Variants in SPIDR observed in about 807,000 individuals in gnomAD.
The protein encoded by SPIDR is DNA repair-scaffolding protein.
SPIDR carries 93 observed loss-of-function variants against 104.6 expected under a neutral mutation model. The observed-to-expected ratio is 0.89, with a 90% CI of 0.75 to 1.06. The LOEUF is 1.06. Ranked by LOEUF, SPIDR falls within the 50% of genes least tolerant of loss-of-function variation. The pLI is 0.00. For missense variants in SPIDR, 1,154 were observed against 1,111.2 expected (o/e 1.04, Z -0.55); for synonymous variants, 431 against 416.9 (o/e 1.03, Z -0.41).
At chr8:47,287,232 T>TAAAGATCACAAGGCAAAGGGCAAAGC (rs1586366493) in intron 3 of SPIDR, among the ~76,000 whole-genome samples, 28 of 150,218 alleles carry the variant, frequency 1.9e-4, no homozygotes, top group African/African-American at 5.5e-4. Flanking sequence ...CTGAGGCCAA[T>TAAAGATCACAAGGCAAAGGGCAAAGC]AAAGATCACA....
intron 10 of SPIDR, among the ~76,000 whole-genome samples, chr8:47,620,713 G>T (rs1253683947): frequency 6.6e-6 from 1 of 151,672 alleles, no homozygotes; most frequent in Non-Finnish European, 1.5e-5. Flanking sequence ...CACCTCCCGG[G>T]TTCAAACGAG....
intron 5 of SPIDR, among the ~76,000 whole-genome samples, chr8:47,298,956 T>G (rs1274638154): frequency 1.3e-5 from 2 of 152,208 alleles, no homozygotes; most frequent in Non-Finnish European, 2.9e-5. Flanking sequence ...TGGTTCCATA[T>G]GAACTTTAAA....
At chr8:47,309,702 A>G (rs111524434) in intron 5 of SPIDR, among the ~76,000 whole-genome samples, 3 of 152,328 alleles carry the variant, frequency 2.0e-5, no homozygotes, top group African/African-American at 7.2e-5. Flanking sequence ...ATAACAGAAA[A>G]TGATTGCTTT....
chr8:47,560,905 G>A (rs1011738481), intron 8 of SPIDR, among the ~76,000 whole-genome samples: 2 of 152,144 alleles, frequency 1.3e-5, no homozygotes, highest in Non-Finnish European at 2.9e-5. Context: ...CAATGAAACT[G>A]TTTCATTCTT....
At chr8:47,453,074 A>G (rs2072172921) in intron 8 of SPIDR, among the ~76,000 whole-genome samples, 1 of 152,184 alleles carries the variant, frequency 6.6e-6, no homozygotes, top group South Asian at 2.1e-4. Context: ...AATAACAGAC[A>G]AACAGAGAGC....
chr8:47,397,063 G>C (rs908356991), intron 6 of SPIDR, among the ~76,000 whole-genome samples: 1 of 152,184 alleles, frequency 6.6e-6, no homozygotes, highest in African/African-American at 2.4e-5. Flanking sequence ...TACAGTGTCA[G>C]TCAGGGGCTG....
At position 47,735,525 on chromosome 8, in the gene SPIDR, A is replaced by G. The variant is rs560639120; in HGVS notation, c.*75A>G. 76 of 1,607,100 alleles carry G rather than the reference A, an allele frequency of 4.7e-5. No homozygotes were observed. In the African/African-American group the frequency reaches 7.1e-4, roughly 15 times the overall value. On this transcript the variant is annotated 3_prime_UTR_variant, in exon 20 of 20. Coordinates refer to ENST00000297423, the MANE Select transcript of SPIDR (RefSeq NM_001080394.4). ...GTGGTGGTGGTGATTTGGGGTAGTT[A>G]TTTGTTAACTATGGACACAGTGAAC...
intron 8 of SPIDR, among the ~76,000 whole-genome samples, chr8:47,491,796 A>T (rs1554739931): frequency 6.6e-6 from 1 of 152,082 alleles, no homozygotes; most frequent in African/African-American, 2.4e-5. Flanking sequence ...GCTGTAGTGA[A>T]GTATGATCCT....
chr8:47,658,029 C>CCAAAAA (rs2073192605), intron 10 of SPIDR, among the ~76,000 whole-genome samples: 2 of 76,040 alleles, frequency 2.6e-5, no homozygotes, highest in Non-Finnish European at 4.9e-5. Context: ...GACCCTGTCT[C>CCAAAAA]AAAAAAAAAA....
chr8:47,340,443 A>G (rs1235127571), intron 5 of SPIDR, among the ~76,000 whole-genome samples: 1 of 152,084 alleles, frequency 6.6e-6, no homozygotes, highest in Non-Finnish European at 1.5e-5. Context: ...CGTCTCTACT[A>G]AAAATACAAA....
intron 11 of SPIDR, among the ~76,000 whole-genome samples, chr8:47,699,615 T>A (rs868630033): frequency 1.1e-4 from 17 of 152,284 alleles, no homozygotes; most frequent in African/African-American, 4.1e-4. Flanking sequence ...ACTGCAATGA[T>A]GTGATCTCAG....
At chr8:47,288,427 G>A (rs1157034631) in intron 3 of SPIDR, among the ~76,000 whole-genome samples, 1 of 152,060 alleles carries the variant, frequency 6.6e-6, no homozygotes, top group Non-Finnish European at 1.5e-5. Context: ...TGGGATTACA[G>A]GTGCCCACAA....
chr8:47,304,805 G>T (rs1452763231), intron 5 of SPIDR, among the ~76,000 whole-genome samples: 1 of 152,164 alleles, frequency 6.6e-6, no homozygotes, highest in African/African-American at 2.4e-5. Flanking sequence ...TAAAAGAATG[G>T]TATATATTAA....
intron 7 of SPIDR, among the ~76,000 whole-genome samples, chr8:47,432,146 G>A (rs902418237): frequency 6.6e-6 from 1 of 152,152 alleles, no homozygotes; most frequent in Non-Finnish European, 1.5e-5. Context: ...TCAGTGCTAT[G>A]TGTTTGAGAA....
chr8:47,469,735 G>T (rs1307599336), intron 8 of SPIDR, among the ~76,000 whole-genome samples: 1 of 152,126 alleles, frequency 6.6e-6, no homozygotes, highest in Non-Finnish European at 1.5e-5. Context: ...TGGGCGGAAG[G>T]AGGGAGAGGA....
intron 5 of SPIDR, among the ~76,000 whole-genome samples, chr8:47,351,484 T>C (rs1018592924): frequency 3.3e-5 from 5 of 152,218 alleles, no homozygotes; most frequent in Non-Finnish European, 7.3e-5. Flanking sequence ...TGTTTAATAC[T>C]CATTGCAGGC....
intron 7 of SPIDR, among the ~76,000 whole-genome samples, chr8:47,435,334 G>GTT (rs1205300316): frequency 6.6e-6 from 1 of 151,890 alleles, no homozygotes; most frequent in African/African-American, 2.4e-5. Flanking sequence ...ATCTGTGTGT[G>GTT]TGTGTGTGTG....
chr8:47,527,220 T>C (rs1336256139), intron 8 of SPIDR, among the ~76,000 whole-genome samples: 6 of 152,118 alleles, frequency 3.9e-5, no homozygotes, highest in African/African-American at 1.4e-4. Context: ...AGAAACTGTT[T>C]TACCAGAGTC....
At position 47,410,831 on chromosome 8, in the gene SPIDR, C is replaced by G. The variant is rs879948119; in HGVS notation, c.877+2870C>G. Among the ~76,000 whole-genome samples, 16 of 152,208 alleles carry G rather than the reference C, an allele frequency of 1.1e-4. No homozygotes were observed. The South Asian group carries it at 1.9e-3, about 18-fold the overall frequency. ...CCGCTCCCCCAACCCCACAACAGGC[C>G]TCAGTGTGTGATGTTCCCCTTCCTG... is the stretch of plus-strand genomic sequence containing the variant. On this transcript the variant is annotated intron_variant, in intron 7 of 19. Transcript: ENST00000297423.
Sources: gnomAD v4.1 joint callset for allele counts (sites outside exome capture counted in the v4.1 genomes callset) on GRCh38, gnomAD v4.1.1 for gene constraint, MANE v1.5 for transcripts, NCBI Gene and HGNC (gene_info 2026-07-23, HGNC 2026-07-21) for gene names.